Variants in STIMATE observed in about 807,000 individuals in gnomAD.
The protein encoded by STIMATE is STIM activating enhancer, also known as store-operated calcium entry regulator STIMATE.
A neutral mutation model predicts 36.7 loss-of-function variants in STIMATE; 15 were observed. That is an observed-to-expected ratio of 0.41 (90% CI 0.27 to 0.63). The LOEUF (loss-of-function observed/expected upper bound fraction) is 0.63, where lower values mean the gene tolerates loss of function less well. Ranked by LOEUF, STIMATE falls within the 20% of genes least tolerant of loss-of-function variation. The pLI, the probability that STIMATE is intolerant of heterozygous loss-of-function variation, is 0.32. For synonymous variants in STIMATE, 163 were observed against 162.3 expected (o/e 1.00, Z -0.03); for missense variants, 305 against 397.3 (o/e 0.77, Z 1.98).
intron 4 of STIMATE, among the ~76,000 whole-genome samples, chr3:52,848,793 A>T (rs1217366258): frequency 6.6e-6 from 1 of 152,174 alleles, no homozygotes; most frequent in East Asian, 1.9e-4. Flanking sequence ...GCTTCTCAGA[A>T]GCCTTCCCTG....
At chr3:52,875,080 G>C (rs1398846982) in intron 1 of STIMATE, among the ~76,000 whole-genome samples, 1 of 152,110 alleles carries the variant, frequency 6.6e-6, no homozygotes, top group Non-Finnish European at 1.5e-5. Flanking sequence ...TCACTGCTGC[G>C]CTGTTATCTA....
At chr3:52,869,461 A>T (rs904760727) in intron 1 of STIMATE, among the ~76,000 whole-genome samples, 3 of 152,174 alleles carry the variant, frequency 2.0e-5, no homozygotes, top group Non-Finnish European at 2.9e-5. Context: ...CTTCTCTTGG[A>T]TAGTTCTTAG....
At chr3:52,873,508 C>T (rs1701444198) in intron 1 of STIMATE, among the ~76,000 whole-genome samples, 1 of 152,152 alleles carries the variant, frequency 6.6e-6, no homozygotes, top group Non-Finnish European at 1.5e-5. Context: ...ATTCTCGGCT[C>T]CAGAACCACC....
chr3:52,897,394 T>A lies in STIMATE; in HGVS notation c.57A>T (p.Thr19=), dbSNP rs979495832. 1.3e-6 allele frequency: 2 copies of A among 1,495,176 alleles called. No individual in the cohort carries two copies. Among genetic ancestry groups the A allele is most frequent in the South Asian group, 2.5e-5 (2 of 80,668 alleles). The allele number at this position is 1,495,176 out of a possible 1,614,324, so 92.6% of individuals were successfully genotyped here. Residue 19 remains threonine, a synonymous_variant, in exon 1 of 8, where the codon ACA becomes ACT. Transcript: ENST00000355083. ...SRGLPGGPPS[T]VASGAGRCES... ...CGCAGCGGCCCGCCCCGGACGCGAC[T>A]GTGGAGGGCGGCCCGCCTGGCAGTC...
intron 4 of STIMATE, chr3:52,846,568 GTGAC>G (rs1410420109): frequency 6.6e-6 from 1 of 152,238 alleles, no homozygotes; most frequent in African/African-American, 2.4e-5. Context: ...TCAGTTTTAA[GTGAC>G]TGACAAGGAG....
chr3:52,860,198 C>T (rs1266823084), intron 1 of STIMATE, among the ~76,000 whole-genome samples: 2 of 151,622 alleles, frequency 1.3e-5, no homozygotes, highest in East Asian at 3.9e-4. Context: ...TGTGACAAGC[C>T]CCATTCAGCA....
intron 1 of STIMATE, among the ~76,000 whole-genome samples, chr3:52,887,994 GTTTTTTTT>G (rs71087029): frequency 9.3e-4 from 49 of 52,720 alleles, no homozygotes; most frequent in African/African-American, 2.4e-3. Flanking sequence ...AACAGAATCA[GTTTTTTTT>G]TTTTTTTTTT....
intron 5 of STIMATE, among the ~76,000 whole-genome samples, chr3:52,844,177 T>C (rs1223936204): frequency 6.6e-6 from 1 of 152,122 alleles, no homozygotes; most frequent in Non-Finnish European, 1.5e-5. Context: ...CCAGACCACT[T>C]TCTAACAGAA....
At chr3:52,882,882 A>G (rs1237446397) in intron 1 of STIMATE, among the ~76,000 whole-genome samples, 1 of 152,200 alleles carries the variant, frequency 6.6e-6, no homozygotes, top group Non-Finnish European at 1.5e-5. Flanking sequence ...GGAGAAAGGC[A>G]TCATAAACAG....
rs1700742304 is a variant in STIMATE at position 52,838,424 on chromosome 3, G to C, written c.*2070C>G. 6.6e-6 allele frequency: 1 copy of C among 152,244 alleles called. No individual in the cohort carries two copies. The highest frequency in any genetic ancestry group is 2.1e-4 in the South Asian group (1 of 4,830). The allele number at this position is 152,244 out of a possible 1,614,324, so 9.4% of individuals were successfully genotyped here. A position where few individuals can be genotyped will look rare whatever the true frequency, so the allele number is the denominator to read the frequency against. The stretch of plus-strand genomic sequence containing the variant: ...TGTTCAAACCAAAATGAAACAGGAG[G>C]GGAGGAATTAGAACTGAGTCAGTGA... On this transcript the variant is annotated 3_prime_UTR_variant, in exon 8 of 8. Coordinates refer to ENST00000355083, the MANE Select transcript of STIMATE (RefSeq NM_198563.5).
chr3:52,871,842 AC>A (rs1234614871), intron 1 of STIMATE, among the ~76,000 whole-genome samples: 7 of 150,686 alleles, frequency 4.6e-5, no homozygotes, highest in African/African-American at 1.2e-4. Flanking sequence ...CACAAACACA[AC>A]CCCCCCATGC....
rs1701880287 is a variant in STIMATE, at chr3:52,897,235, G to A, written c.160+56C>T. 5 of 1,516,742 alleles carry A rather than the reference G, an allele frequency of 3.3e-6. No homozygotes were observed. The Admixed American group carries it at 6.2e-5, about 19-fold the overall frequency. 94.0% of individuals were successfully genotyped at this position (1,516,742 alleles called of 1,614,324 possible). A position where few individuals can be genotyped will look rare whatever the true frequency, so the allele number is the denominator to read the frequency against. On this transcript the variant is annotated intron_variant, in intron 1 of 7. Coordinates refer to ENST00000355083, the MANE Select transcript of STIMATE (RefSeq NM_198563.5). ...CCGCGCAGGAGGGGCCCCCAGGGGG[G>A]CCGGGCCGCGGCTGCCGCGCAGGGC...
chr3:52,889,582 A>G (rs1417566929), intron 1 of STIMATE, among the ~76,000 whole-genome samples: 2 of 152,142 alleles, frequency 1.3e-5, no homozygotes, highest in Non-Finnish European at 2.9e-5. Flanking sequence ...TAAGACGGAG[A>G]TACTATCAGT....
intron 1 of STIMATE, among the ~76,000 whole-genome samples, chr3:52,865,042 G>A (rs1701280443): frequency 1.3e-5 from 2 of 152,128 alleles, no homozygotes; most frequent in South Asian, 2.1e-4. Context: ...TGCCTCCCGG[G>A]TTCAAGCAAT....
chr3:52,847,311 C>T, intron 4 of STIMATE: 1 of 1,188,698 alleles, frequency 8.4e-7, no homozygotes. Context: ...GCAATAGGGG[C>T]CAAAAGGAGG....
At position 52,852,716 on chromosome 3, in the gene STIMATE, G is replaced by T. The variant is rs1335425796; in HGVS notation, c.210-18C>A. ...CTAAAAACCTGTACAAAATAAACCA[G>T]CACTGGTTATTAGCCTGACAGGAGC... On this transcript the variant is annotated intron_variant, in intron 2 of 7. Transcript: ENST00000355083. The T allele has an allele frequency of 6.2e-7, 1 of 1,612,722 alleles. No individual in the cohort carries two copies. Among genetic ancestry groups the T allele is most frequent in the South Asian group, 1.1e-5 (1 of 90,824 alleles).
At chr3:52,844,755 G>A (rs567962183) in intron 5 of STIMATE, 74 bp downstream of exon 5, 42 of 1,553,280 alleles carry the variant, frequency 2.7e-5, no homozygotes, top group African/African-American at 5.4e-5. Flanking sequence ...TAGAGTTGGC[G>A]TATGTGGGTG....
intron 1 of STIMATE, among the ~76,000 whole-genome samples, chr3:52,891,483 T>C (rs1288389960): frequency 1.3e-5 from 2 of 152,148 alleles, no homozygotes; most frequent in Non-Finnish European, 2.9e-5. Flanking sequence ...AGCAGGTTCA[T>C]CACCTGGAAG....
chr3:52,885,130 A>G (rs2106725452), intron 1 of STIMATE, among the ~76,000 whole-genome samples: 1 of 152,326 alleles, frequency 6.6e-6, no homozygotes, highest in Middle Eastern at 3.4e-3. Context: ...ATATATTGGT[A>G]TCTCATCACT....
Sources: allele counts gnomAD v4.1 joint callset (sites outside exome capture counted in the v4.1 genomes callset), GRCh38; gene constraint gnomAD v4.1.1; transcripts MANE v1.5; gene names NCBI Gene and HGNC (gene_info 2026-07-23, HGNC 2026-07-21).